LSS: variants seen among roughly 807,000 people sequenced by gnomAD.
LSS encodes 2,3-epoxysqualene-lanosterol cyclase.
In LSS, 90 loss-of-function variants were observed where a neutral mutation model predicts 110.3. The observed-to-expected ratio is 0.82, with a 90% CI of 0.69 to 0.97. The LOEUF is 0.97. Among genes scored for constraint, LSS ranks in the 50% least tolerant of loss-of-function variants. LSS has a pLI of 0.00. For synonymous variants in LSS, 433 were observed against 400.0 expected, an observed-to-expected ratio of 1.08 and a Z score of -0.98; for missense variants, 927 against 990.0, an observed-to-expected ratio of 0.94 and a Z score of 0.85.
In LSS at chr21:46,193,195, G is replaced by C. The variant is rs373006633; in HGVS notation, c.1989-1236C>G. ...TGTACCTATGTCTGTGTGTGGCACA[G>C]ATGGGATGCTGTGGGTGTATCTGCA... On this transcript the variant is annotated intron_variant, in intron 20 of 21. Transcript: ENST00000397728. The C allele has an allele frequency of 2.7e-4, 122 of 450,942 alleles. 2 individuals carry two copies. In the East Asian group the frequency reaches 8.0e-3, roughly 30 times the overall value. The allele number at this position is 450,942 out of a possible 1,614,324, so 27.9% of individuals were successfully genotyped here.
In LSS at chr21:46,190,028, G is replaced by A. The variant is rs773459462; in HGVS notation, c.*1076C>T. 7.9e-5 allele frequency: 23 copies of A among 291,020 alleles called. 2 individuals carry two copies. The highest frequency in any genetic ancestry group is 4.1e-4 in the African/African-American group (17 of 41,700). The allele number at this position is 291,020 out of a possible 1,614,324, so 18.0% of individuals were successfully genotyped here. On this transcript the variant is annotated 3_prime_UTR_variant, in exon 22 of 22. Transcript: ENST00000397728. This position sits in a 1 kb window ranked among gnomAD's most constrained non-coding sequence, Gnocchi z 4.6. ...AGCCTCGGCCCAAAACCTGGCCCTC[G>A]CTCCAGCCCAGAGCACCCACCTGGG...
intron 18 of LSS, 147 bp downstream of exon 18, chr21:46,196,055 C>G (rs938658767): frequency 6.3e-6 from 5 of 795,700 alleles, no homozygotes; most frequent in Non-Finnish European, 1.0e-5. Flanking sequence ...GGAACGAGGT[C>G]CCCCAGAAGT....
At chr21:46,207,700 C>A in intron 14 of LSS, 123 bp from the exon 15 acceptor site, 1 of 1,173,758 alleles carries the variant, frequency 8.5e-7, no homozygotes, top group South Asian at 1.5e-5. Context: ...GGCCCAGCCA[C>A]CAAAGGTGTG....
intron 15 of LSS, 52 bp downstream of exon 15, chr21:46,207,376 C>T: frequency 6.3e-7 from 1 of 1,597,542 alleles, no homozygotes; most frequent in Non-Finnish European, 8.5e-7. Context: ...GAGCACGCAG[C>T]TCATCTGCAG....
intron 6 of LSS, among the ~76,000 whole-genome samples, chr21:46,218,332 C>CATGACACTGGTTA (rs1555901078): frequency 2.7e-5 from 4 of 150,618 alleles, no homozygotes; most frequent in Non-Finnish European, 6.0e-5. Context: ...TAAAATGTTA[C>CATGACACTGGTTA]AAGACACCAC....
At chr21:46,215,072 C>G (rs1378493090) in intron 9 of LSS, 108 bp downstream of exon 9, 1 of 879,974 alleles carries the variant, frequency 1.1e-6, no homozygotes. Flanking sequence ...TGGAGGTACA[C>G]CAGGCTCCAG....
At chr21:46,224,235 TCCA>T (rs2080310722) in intron 3 of LSS, among the ~76,000 whole-genome samples, 1 of 152,202 alleles carries the variant, frequency 6.6e-6, no homozygotes, top group Non-Finnish European at 1.5e-5. Context: ...GGGCCCCCTG[TCCA>T]GTGGACACGT....
Position 46,215,075 on chromosome 21 carries a change from G to A in LSS, c.1011+105C>T, listed in dbSNP as rs1052322810. The A allele has an allele frequency of 4.5e-6, 4 of 895,238 alleles. No homozygotes were observed. The African/African-American group carries it at 6.5e-5, about 15-fold the overall frequency. 55.5% of individuals were successfully genotyped at this position (895,238 alleles called of 1,614,324 possible). On this transcript the variant is annotated intron_variant, in intron 9 of 21. Coordinates refer to ENST00000397728, the MANE Select transcript of LSS (RefSeq NM_002340.6). ...CCACCTCCCAAATGGAGGTACACCA[G>A]GCTCCAGGAAACCCCACTCCCAGCT...
chr21:46,206,595 A>T, intron 16 of LSS, 77 bp downstream of exon 16: 1 of 1,260,222 alleles, frequency 7.9e-7, no homozygotes, highest in Non-Finnish European at 1.1e-6. Flanking sequence ...AAGGGGGAAA[A>T]GCTGGCCCCC....
Position 46,208,254 on chromosome 21 carries a change from G to C in LSS, c.1314C>G (p.Arg438=), listed in dbSNP as rs1178351724. 13 of 1,552,264 alleles carry C rather than the reference G, an allele frequency of 8.4e-6. No individual in the cohort carries two copies. Among genetic ancestry groups the C allele is most frequent in the Non-Finnish European group, 1.0e-5 (12 of 1,147,322 alleles). ...GATGGGGCTGGCTCCCGCATACCTT[G>C]CGCATCTGGCGGTAGTACTTCTGGT... The part of the protein sequence containing the change: ...PDYQKYYRQM[R]KGGFSFSTLD... The change falls in exon 14 of 22, where the codon CGC becomes CGG. Residue 438 remains arginine, a synonymous_variant. Coordinates refer to ENST00000397728, the MANE Select transcript of LSS (RefSeq NM_002340.6).
chr21:46,212,403 ACTGT>A (rs926013766), intron 11 of LSS, among the ~76,000 whole-genome samples: 11 of 152,344 alleles, frequency 7.2e-5, no homozygotes, highest in African/African-American at 2.4e-4. Flanking sequence ...ACAGGGCAAC[ACTGT>A]CTGGGCTTCT....
rs574436957 is a variant in LSS, at chr21:46,203,668, G to A, written c.1670+2168C>T. Among the ~76,000 whole-genome samples, 41 of 152,336 alleles carry A rather than the reference G, an allele frequency of 2.7e-4. 2 individuals carry two copies. In the South Asian group the frequency reaches 7.7e-3, roughly 28 times the overall value. Reference sequence around the variant, plus strand: ...AGAGCAGCACATGGCCGAGGGCCACGCCAGGCCGACAGAAGACCCTGGACA... The same window carrying A: ...AGAGCAGCACATGGCCGAGGGCCACACCAGGCCGACAGAAGACCCTGGACA... On this transcript the variant is annotated intron_variant, in intron 17 of 21. Coordinates refer to ENST00000397728, the MANE Select transcript of LSS (RefSeq NM_002340.6).
intron 20 of LSS, chr21:46,192,652 C>A (rs1306119369): frequency 4.4e-6 from 2 of 449,952 alleles, no homozygotes; most frequent in Non-Finnish European, 8.9e-6. Context: ...TGCACAGGTG[C>A]CTGTGCATGT....
Position 46,188,852 on chromosome 21 carries a change from G to A in LSS, c.*2252C>T, listed in dbSNP as rs976650884. ...AAGGAAAACAATGCAGTGAAAGAAA[G>A]TTCCTCCTATGTGGACATTGTATCA... On this transcript the variant is annotated 3_prime_UTR_variant, in exon 22 of 22. Coordinates refer to ENST00000397728, the MANE Select transcript of LSS (RefSeq NM_002340.6). 2.8e-5 allele frequency: 13 copies of A among 458,198 alleles called. No homozygotes were observed. Among genetic ancestry groups the A allele is most frequent in the Non-Finnish European group, 6.0e-5 (13 of 218,370 alleles). The allele number at this position is 458,198 out of a possible 1,614,324, so 28.4% of individuals were successfully genotyped here. A position where few individuals can be genotyped will look rare whatever the true frequency, so the allele number is the denominator to read the frequency against.
At chr21:46,196,057 C>T (rs1393973100) in intron 18 of LSS, 145 bp downstream of exon 18, 4 of 818,936 alleles carry the variant, frequency 4.9e-6, no homozygotes, top group Admixed American at 4.4e-5. Flanking sequence ...AACGAGGTCC[C>T]CCAGAAGTCA....
rs767292926 is a variant in LSS, at chr21:46,194,601, G to A, written c.1878C>T (p.Asp626=). ...CDFLLSRQMA[D]GGWGEDFESC... is the part of the protein sequence containing the mutation. ...ACTCAAAGTCCTCCCCCCAGCCTCC[G>A]TCTGCCATCTGCCGGGACAGCAGGA... The change falls in exon 20 of 22, where the codon GAC becomes GAT. Residue 626 remains aspartate (D), a synonymous_variant. Transcript: ENST00000397728. 43 of 1,613,616 alleles carry A rather than the reference G, an allele frequency of 2.7e-5. No homozygotes were observed. The highest frequency in any genetic ancestry group is 3.3e-4 in the Middle Eastern group (2 of 6,082).
chr21:46,203,005 A>C lies in LSS; in HGVS notation c.1670+2831T>G, dbSNP rs1601422713. 2.0e-5 allele frequency among the ~76,000 whole-genome samples: 3 copies of C among 152,348 alleles called. No individual in the cohort carries two copies. The East Asian group carries it at 5.8e-4, about 29-fold the overall frequency. ...GGACTCATTGTTCTACACAGTGACA[A>C]CAACTGACATGTGCTTCCCTGTGGC... On this transcript the variant is annotated intron_variant, in intron 17 of 21. Coordinates refer to ENST00000397728, the MANE Select transcript of LSS (RefSeq NM_002340.6).
At chr21:46,222,589 C>T (rs750552738) in intron 4 of LSS, 41 bp downstream of exon 4, 5 of 1,547,310 alleles carry the variant, frequency 3.2e-6, no homozygotes. Context: ...TGAGAACACA[C>T]ACATGCACAT....
intron 2 of LSS, 107 bp from the exon 3 acceptor site, chr21:46,227,797 A>C (rs2080366699): frequency 1.5e-6 from 2 of 1,308,002 alleles, no homozygotes; most frequent in African/African-American, 1.5e-5. Context: ...AATGTAAATT[A>C]CTTTAAAAGT....
Sources: allele counts gnomAD v4.1 joint callset (sites outside exome capture counted in the v4.1 genomes callset), GRCh38; gene constraint gnomAD v4.1.1; non-coding constraint Gnocchi (gnomAD v3.1); transcripts MANE v1.5; gene names NCBI Gene and HGNC (gene_info 2026-07-23, HGNC 2026-07-21).